The following HPF1 variants were observed in gnomAD, a reference collection of about 807,000 sequenced individuals.
HPF1 encodes the protein histone PARylation factor 1.
HPF1 carries 35 observed loss-of-function variants against 38.8 expected under a neutral mutation model. The ratio of observed to expected loss-of-function variants is 0.90; its 90% CI spans 0.69 to 1.19. HPF1 has a LOEUF of 1.19. HPF1 is among the 50% of genes most tolerant of loss of function. The pLI is 0.00. For synonymous variants in HPF1, 115 were observed against 139.2 expected, an observed-to-expected ratio of 0.83 and a Z score of 1.22; for missense variants, 367 against 405.8, an observed-to-expected ratio of 0.90 and a Z score of 0.82.
chr4:169,741,485 A>G (rs1229921529), intron 5 of HPF1, among the ~76,000 whole-genome samples: 1 of 152,226 alleles, frequency 6.6e-6, no homozygotes, highest in Non-Finnish European at 1.5e-5. Context: ...ATTAACAAGT[A>G]TTTGCTCCTT....
At chr4:169,736,095 C>T (rs1733888529) in intron 6 of HPF1, among the ~76,000 whole-genome samples, 1 of 151,844 alleles carries the variant, frequency 6.6e-6, no homozygotes, top group South Asian at 2.1e-4. Context: ...TAGAAAATTA[C>T]AGGCCAGGTT....
chr4:169,742,080 T>G lies in HPF1; in HGVS notation c.525A>C (p.Glu175Asp). 1 of 1,611,798 alleles carries G rather than the reference T, an allele frequency of 6.2e-7. No individual in the cohort carries two copies. Among genetic ancestry groups the G allele is most frequent in the Non-Finnish European group, 8.5e-7 (1 of 1,178,492 alleles). ...GATTGATTTTCTTTTTATCCGTTAT[T>G]TCTCTAAGTTTTTTCGTCAAAAATA... ...VKLFLTKKLR[E>D]ITDKKKINLL... The change falls in exon 5 of 8, where the codon GAA becomes GAC. Residue 175 changes from glutamate to aspartate, a missense_variant. Coordinates refer to ENST00000393381, the MANE Select transcript of HPF1 (RefSeq NM_017867.3).
chr4:169,732,793 G>A (rs1358774600), intron 6 of HPF1, among the ~76,000 whole-genome samples: 8 of 152,028 alleles, frequency 5.3e-5, no homozygotes, highest in South Asian at 2.1e-4. Context: ...TAAAACATAC[G>A]GATTTTAAAA....
At chr4:169,733,577 G>A (rs1055463216) in intron 6 of HPF1, among the ~76,000 whole-genome samples, 21 of 152,114 alleles carry the variant, frequency 1.4e-4, no homozygotes, top group African/African-American at 4.3e-4. Flanking sequence ...TGAGACTAAC[G>A]AAAAATATCA....
intron 1 of HPF1, 139 bp downstream of exon 1, chr4:169,757,691 A>C: frequency 2.4e-6 from 2 of 817,990 alleles, no homozygotes; most frequent in Admixed American, 2.3e-5. Context: ...GGCCCTGGGC[A>C]GGATCCCCGC....
rs116726279 is a variant in HPF1 at position 169,730,326 on chromosome 4, A to G, written c.910-617T>C. On this transcript the variant is annotated intron_variant, in intron 7 of 7. Coordinates refer to ENST00000393381, the MANE Select transcript of HPF1 (RefSeq NM_017867.3). ...CTCATACATGTTATTTCATTCTCACAACAAGCAAGTTTGCTATTCACTGGT... is the reference window on the plus strand; with the variant it reads ...CTCATACATGTTATTTCATTCTCACGACAAGCAAGTTTGCTATTCACTGGT... Among the ~76,000 whole-genome samples, 907 of 152,326 alleles carry G rather than the reference A, an allele frequency of 6.0e-3. 11 individuals are homozygous for G. Among genetic ancestry groups the G allele is most frequent in the African/African-American group, 0.02 (843 of 41,584 alleles).
At chr4:169,745,599 G>A (rs1452252019) in intron 4 of HPF1, among the ~76,000 whole-genome samples, 1 of 152,092 alleles carries the variant, frequency 6.6e-6, no homozygotes, top group African/African-American at 2.4e-5. Flanking sequence ...TGCTTTCTAT[G>A]TATTTCCTAT....
chr4:169,735,170 G>C (rs1204329327), intron 6 of HPF1, among the ~76,000 whole-genome samples: 1 of 150,628 alleles, frequency 6.6e-6, no homozygotes, highest in Non-Finnish European at 1.5e-5. Context: ...AAGAAAACCA[G>C]AGCCCTTACT....
At chr4:169,733,542 C>G (rs949572151) in intron 6 of HPF1, among the ~76,000 whole-genome samples, 3 of 152,070 alleles carry the variant, frequency 2.0e-5, no homozygotes, top group African/African-American at 7.2e-5. Flanking sequence ...ATGTTAAATT[C>G]TATGTATGAG....
intron 2 of HPF1, among the ~76,000 whole-genome samples, chr4:169,751,328 T>C (rs926268167): frequency 6.9e-6 from 1 of 144,366 alleles, no homozygotes; most frequent in Non-Finnish European, 1.5e-5. Flanking sequence ...ACTTGAACCC[T>C]GGAGGTGGAG....
chr4:169,754,491 G>A (rs1193431638), intron 1 of HPF1, among the ~76,000 whole-genome samples: 1 of 151,960 alleles, frequency 6.6e-6, no homozygotes, highest in African/African-American at 2.4e-5. Context: ...CTCATCTCTA[G>A]GACCACCACA....
At chr4:169,741,814 C>A in intron 5 of HPF1, 143 bp downstream of exon 5, 1 of 661,588 alleles carries the variant, frequency 1.5e-6, no homozygotes, top group Non-Finnish European at 2.5e-6. Flanking sequence ...CTTTCAGTGC[C>A]ATCCTCCTAA....
chr4:169,731,672 G>A, intron 7 of HPF1, 32 bp downstream of exon 7: 1 of 1,478,816 alleles, frequency 6.8e-7, no homozygotes, highest in Non-Finnish European at 9.0e-7. Context: ...AGGTGTGGCA[G>A]TGGGTAGAAG....
chr4:169,755,412 G>A (rs112066101), intron 1 of HPF1, among the ~76,000 whole-genome samples: 5 of 152,064 alleles, frequency 3.3e-5, no homozygotes, highest in African/African-American at 4.8e-5. Context: ...CCAACTTTTC[G>A]TATACTCGGG....
rs530540111 is a variant in HPF1 at position 169,755,676 on chromosome 4, G to C, written c.49-1841C>G. 2.6e-5 allele frequency among the ~76,000 whole-genome samples: 4 copies of C among 152,286 alleles called. No homozygotes were observed. The South Asian group carries it at 6.2e-4, about 24-fold the overall frequency. Reference sequence around the variant, plus strand: ...ATTTTTAATGAGGAAAAAAGCTCTTGATTATATGCAGCATGATAGCCTTTT... The same window carrying C: ...ATTTTTAATGAGGAAAAAAGCTCTTCATTATATGCAGCATGATAGCCTTTT... On this transcript the variant is annotated intron_variant, in intron 1 of 7. Transcript: ENST00000393381.
At chr4:169,753,016 A>C (rs1344392244) in intron 2 of HPF1, among the ~76,000 whole-genome samples, 1 of 137,874 alleles carries the variant, frequency 7.3e-6, no homozygotes, top group African/African-American at 2.7e-5. Flanking sequence ...AACAGTTTAT[A>C]TCCTTGGTTA....
chr4:169,756,717 T>C (rs1252087270), intron 1 of HPF1, among the ~76,000 whole-genome samples: 1 of 152,240 alleles, frequency 6.6e-6, no homozygotes, highest in Non-Finnish European at 1.5e-5. Flanking sequence ...ACGGTTATAG[T>C]CTCTACAGAC....
intron 5 of HPF1, among the ~76,000 whole-genome samples, chr4:169,739,756 A>T (rs1733942758): frequency 6.6e-6 from 1 of 152,358 alleles, no homozygotes; most frequent in Middle Eastern, 3.4e-3. Flanking sequence ...CCATAAGCAC[A>T]GTATTCTGCA....
In HPF1 at chr4:169,736,700, C is replaced by T. The variant is rs140657387; in HGVS notation, c.736+960G>A. Among the ~76,000 whole-genome samples, 539 of 152,244 alleles carry T rather than the reference C, an allele frequency of 3.5e-3. 3 individuals carry two copies. The highest frequency in any genetic ancestry group is 0.015 in the South Asian group (72 of 4,812). On this transcript the variant is annotated intron_variant, in intron 6 of 7. Coordinates refer to ENST00000393381, the MANE Select transcript of HPF1 (RefSeq NM_017867.3). ...GTTCTGAAAAGCAGACGGCCAAATA[C>T]GTGCATTGGGCAGGAATATGTGGTT... is the stretch of plus-strand genomic sequence containing the variant.
Sources: gnomAD v4.1 joint callset for allele counts (sites outside exome capture counted in the v4.1 genomes callset) on GRCh38, gnomAD v4.1.1 for gene constraint, MANE v1.5 for transcripts, NCBI Gene and HGNC (gene_info 2026-07-23, HGNC 2026-07-21) for gene names.